MEGF10: variants seen among roughly 807,000 people sequenced by gnomAD.
The protein encoded by MEGF10 is multiple EGF like domains 10.
MEGF10 carries 86 observed loss-of-function variants against 147.5 expected under a neutral mutation model. The observed-to-expected ratio is 0.58, with a 90% CI of 0.49 to 0.70. The LOEUF (loss-of-function observed/expected upper bound fraction) is 0.70. Ranked by LOEUF, MEGF10 falls within the 30% of genes least tolerant of loss-of-function variation. The pLI, the probability that MEGF10 is intolerant of heterozygous loss-of-function variation, is 0.00. For synonymous variants in MEGF10, 478 were observed against 525.5 expected, an observed-to-expected ratio of 0.91 and a Z score of 1.24; for missense variants, 1,329 against 1,487.3, an observed-to-expected ratio of 0.89 and a Z score of 1.75.
Position 127,434,796 on chromosome 5 carries a change from C to A in MEGF10, c.1950C>A (p.Gly650=). 1 of 1,613,532 alleles carries A rather than the reference C, an allele frequency of 6.2e-7. No homozygotes were observed. The highest frequency in any genetic ancestry group is 8.5e-7 in the Non-Finnish European group (1 of 1,180,002). Residue 650 remains glycine, a synonymous_variant, in exon 15 of 25, where the codon GGC becomes GGA. Coordinates refer to ENST00000503335, the MANE Select transcript of MEGF10 (RefSeq NM_001256545.2). ...CCGGCCTGTGTGACTGCTTGCCTGG[C>A]TTCACAGGCGCCCTCTGCAATGAAG... is the stretch of plus-strand genomic sequence containing the variant. ...HITGLCDCLP[G]FTGALCNEVC... is the part of the protein sequence containing the mutation.
intron 22 of MEGF10, among the ~76,000 whole-genome samples, chr5:127,450,145 G>A (rs1766100604): frequency 6.6e-6 from 1 of 152,160 alleles, no homozygotes; most frequent in Non-Finnish European, 1.5e-5. Flanking sequence ...ACTTTATGTA[G>A]CTTCTGAAAA....
chr5:127,255,178 G>A, the MEGF10 span, among the ~76,000 whole-genome samples: 1 of 152,186 alleles, frequency 6.6e-6, no homozygotes, highest in East Asian at 1.9e-4. Context: ...GGTGGAGTCA[G>A]TTGGTTGCCA....
chr5:127,393,304 AC>A (rs2126913541), intron 5 of MEGF10, among the ~76,000 whole-genome samples: 1 of 152,354 alleles, frequency 6.6e-6, no homozygotes, highest in East Asian at 1.9e-4. Flanking sequence ...CAAATTCTGC[AC>A]TAAACATAAG....
At chr5:127,297,373 T>C (rs76405433) in intron 1 of MEGF10, among the ~76,000 whole-genome samples, 2,750 of 152,242 alleles carry the variant, frequency 0.018, 73 homozygotes, top group East Asian at 0.11. Context: ...AAGTACACAT[T>C]GCATGCCCAT....
chr5:127,341,477 A>G (rs948638760), intron 4 of MEGF10, among the ~76,000 whole-genome samples: 10 of 152,166 alleles, frequency 6.6e-5, no homozygotes, highest in African/African-American at 1.9e-4. Context: ...GCCCAGTGAT[A>G]TCACTGGTTC....
At chr5:127,244,728 T>A in the MEGF10 span, among the ~76,000 whole-genome samples, 1 of 151,950 alleles carries the variant, frequency 6.6e-6, no homozygotes, top group African/African-American at 2.4e-5. Flanking sequence ...GAAATTATGT[T>A]CCAATAATTA....
chr5:127,445,079 G>A lies in MEGF10; in HGVS notation c.2492-378G>A, dbSNP rs60007347. On this transcript the variant is annotated intron_variant, in intron 19 of 24. Transcript: ENST00000503335. The stretch of plus-strand genomic sequence containing the variant: ...AAATCCTACTGTTGAATCTCTTTGG[G>A]TTCAGAAAATCCTGTCTCTTTCTTT... Among the ~76,000 whole-genome samples the A allele has an allele frequency of 5.2e-3, 797 of 152,212 alleles. 10 individuals carry two copies. The highest frequency in any genetic ancestry group is 0.018 in the African/African-American group (761 of 41,520).
chr5:127,284,807 G>A, the MEGF10 span, among the ~76,000 whole-genome samples: 1 of 152,142 alleles, frequency 6.6e-6, no homozygotes, highest in East Asian at 1.9e-4. Flanking sequence ...AACTAAGCAA[G>A]CTTTTAAATC....
chr5:127,333,531 TAAAA>T (rs1228880683), intron 2 of MEGF10, among the ~76,000 whole-genome samples: 4 of 150,034 alleles, frequency 2.7e-5, no homozygotes, highest in Non-Finnish European at 5.9e-5. Context: ...AAAATAAAAA[TAAAA>T]AAAGAGAGAG....
intron 9 of MEGF10, among the ~76,000 whole-genome samples, chr5:127,413,510 C>T (rs2126958635): frequency 6.6e-6 from 1 of 152,150 alleles, no homozygotes; most frequent in Middle Eastern, 3.4e-3. Context: ...TAGTATTGGA[C>T]TTTTGTTGTA....
intron 1 of MEGF10, among the ~76,000 whole-genome samples, chr5:127,307,840 C>A (rs1760083768): frequency 6.6e-6 from 1 of 152,190 alleles, no homozygotes; most frequent in South Asian, 2.1e-4. Flanking sequence ...TGCCAAGAGA[C>A]CCTGATGGCA....
chr5:127,380,917 T>G (rs946668597), intron 5 of MEGF10, among the ~76,000 whole-genome samples: 1 of 152,168 alleles, frequency 6.6e-6, no homozygotes, highest in African/African-American at 2.4e-5. Flanking sequence ...GGGTGTGATT[T>G]CTGTGAACTT....
At chr5:127,335,253 T>C (rs1211206915) in intron 2 of MEGF10, among the ~76,000 whole-genome samples, 1 of 152,164 alleles carries the variant, frequency 6.6e-6, no homozygotes, top group Non-Finnish European at 1.5e-5. Context: ...GGCAGGACAG[T>C]GTCTGAGGGT....
the MEGF10 span, among the ~76,000 whole-genome samples, chr5:127,254,479 A>G: frequency 6.6e-6 from 1 of 152,166 alleles, no homozygotes; most frequent in African/African-American, 2.4e-5. Context: ...AAAGAGATAA[A>G]GCTTTTCCAG....
In MEGF10 at chr5:127,454,570, T is replaced by C. The variant is rs1766282697; in HGVS notation, c.2985T>C (p.Ala995=). The change falls in exon 23 of 25, where the codon GCT becomes GCC. Residue 995 remains alanine (A), a synonymous_variant. Coordinates refer to ENST00000503335, the MANE Select transcript of MEGF10 (RefSeq NM_001256545.2). ...TTTTTTCTTCCTTTATTACAGGTGC[T>C]TTTGGACTTGACAGAAGCTATATGG... ...KHGGYLNELG[A]FGLDRSYMGK... is the part of the protein sequence containing the mutation. The C allele has an allele frequency of 8.7e-6, 14 of 1,609,520 alleles. No homozygotes were observed. The highest frequency in any genetic ancestry group is 2.2e-5 in the East Asian group (1 of 44,826).
chr5:127,343,684 C>A (rs1761768887), intron 4 of MEGF10, among the ~76,000 whole-genome samples: 1 of 152,068 alleles, frequency 6.6e-6, no homozygotes, highest in Non-Finnish European at 1.5e-5. Context: ...AGCATGGTGG[C>A]TCATGCCTGT....
the MEGF10 span, among the ~76,000 whole-genome samples, chr5:127,274,978 T>C: frequency 6.6e-6 from 1 of 152,200 alleles, no homozygotes; most frequent in Non-Finnish European, 1.5e-5. Context: ...TCATATTCTT[T>C]AATTTACCCT....
chr5:127,418,283 A>G (rs548348673), intron 10 of MEGF10, among the ~76,000 whole-genome samples: 1 of 152,366 alleles, frequency 6.6e-6, no homozygotes, highest in East Asian at 1.9e-4. Flanking sequence ...ATATGTCTAT[A>G]TTCCATGCAT....
chr5:127,250,967 GA>G, the MEGF10 span, among the ~76,000 whole-genome samples: 5 of 151,718 alleles, frequency 3.3e-5, no homozygotes, highest in African/African-American at 1.2e-4. Context: ...GTAAAATATA[GA>G]AAAAAATCCA....
Sources: allele counts gnomAD v4.1 joint callset (sites outside exome capture counted in the v4.1 genomes callset), GRCh38; gene constraint gnomAD v4.1.1; transcripts MANE v1.5; gene names NCBI Gene and HGNC (gene_info 2026-07-23, HGNC 2026-07-21).